The following FHIT variants were observed in gnomAD, a reference collection of about 807,000 sequenced individuals.
The protein encoded by FHIT is bis(5'-adenosyl)-triphosphatase.
A neutral mutation model predicts 17.9 loss-of-function variants in FHIT; 19 were observed. The ratio of observed to expected loss-of-function variants is 1.06; its 90% CI spans 0.74 to 1.56. FHIT has a LOEUF of 1.56. FHIT is among the 40% of genes most tolerant of loss of function. The pLI, the probability that FHIT is intolerant of heterozygous loss-of-function variation, is 0.00. For missense variants in FHIT, 248 were observed against 189.2 expected (o/e 1.31, Z -1.82); for synonymous variants, 81 against 69.7 (o/e 1.16, Z -0.81).
chr3:60,477,033 C>T (rs2033381148), intron 5 of FHIT, among the ~76,000 whole-genome samples: 1 of 151,956 alleles, frequency 6.6e-6, no homozygotes, highest in Non-Finnish European at 1.5e-5. Context: ...CGTTTACATG[C>T]ATATGCTGAA....
chr3:60,078,409 C>T (rs189697072), intron 5 of FHIT, among the ~76,000 whole-genome samples: 25 of 152,238 alleles, frequency 1.6e-4, no homozygotes, highest in Admixed American at 1.6e-3. Flanking sequence ...AGAAATGCCA[C>T]ATCAGACAAA....
chr3:60,276,826 A>G lies in FHIT; in HGVS notation c.103+260034T>C, dbSNP rs547301899. Reference sequence around the variant, plus strand: ...CAAGAGAGGGAGAAAGAGAGAGAGTAGAGGAAGTCCCAGCCTCTTTTAAAC... The same window carrying G: ...CAAGAGAGGGAGAAAGAGAGAGAGTGGAGGAAGTCCCAGCCTCTTTTAAAC... On this transcript the variant is annotated intron_variant, in intron 5 of 9. Transcript: ENST00000492590. 7.8e-4 allele frequency among the ~76,000 whole-genome samples: 118 copies of G among 152,238 alleles called. 1 individual carries two copies. The South Asian group carries it at 0.023, about 30-fold the overall frequency.
chr3:60,788,719 G>C (rs966313431), intron 4 of FHIT, among the ~76,000 whole-genome samples: 2 of 152,058 alleles, frequency 1.3e-5, no homozygotes, highest in Non-Finnish European at 2.9e-5. Context: ...TGTTCAGTGT[G>C]GTGACACTTC....
intron 5 of FHIT, among the ~76,000 whole-genome samples, chr3:60,051,333 T>C (rs1282039651): frequency 1.3e-5 from 2 of 151,164 alleles, no homozygotes; most frequent in Non-Finnish European, 3.0e-5. Context: ...ATGCTTTTTT[T>C]TTTTTTTTTT....
chr3:60,156,931 G>A (rs553477706), intron 5 of FHIT, among the ~76,000 whole-genome samples: 3 of 151,876 alleles, frequency 2.0e-5, no homozygotes, highest in Non-Finnish European at 4.4e-5. Flanking sequence ...TCTTCCATAT[G>A]TAGTTATATA....
At chr3:61,146,599 T>C (rs2037233499) in intron 2 of FHIT, among the ~76,000 whole-genome samples, 1 of 152,068 alleles carries the variant, frequency 6.6e-6, no homozygotes, top group African/African-American at 2.4e-5. Context: ...ATCTGCTTGG[T>C]CATACAATAT....
At chr3:60,857,670 C>A (rs1703445375) in intron 3 of FHIT, among the ~76,000 whole-genome samples, 1 of 152,194 alleles carries the variant, frequency 6.6e-6, no homozygotes, top group Admixed American at 6.5e-5. Context: ...GTGGCTCATG[C>A]CTGTAATCCC....
intron 8 of FHIT, among the ~76,000 whole-genome samples, chr3:59,889,551 G>GA (rs1443082848): frequency 6.6e-6 from 1 of 152,170 alleles, no homozygotes; most frequent in Non-Finnish European, 1.5e-5. Flanking sequence ...GCATTCTTGA[G>GA]AAAAACTTAC....
intron 2 of FHIT, among the ~76,000 whole-genome samples, chr3:61,135,222 G>C (rs964506737): frequency 6.6e-6 from 1 of 152,228 alleles, no homozygotes; most frequent in Non-Finnish European, 1.5e-5. Flanking sequence ...AAGTGGCTTG[G>C]GAAGTTTTCT....
At chr3:60,825,738 C>A (rs1451266710) in intron 3 of FHIT, among the ~76,000 whole-genome samples, 2 of 152,138 alleles carry the variant, frequency 1.3e-5, no homozygotes, top group African/African-American at 4.8e-5. Flanking sequence ...AAACCATACC[C>A]CCCACCTCCC....
chr3:60,677,506 A>G (rs1330381501), intron 4 of FHIT, among the ~76,000 whole-genome samples: 1 of 152,198 alleles, frequency 6.6e-6, no homozygotes, highest in Non-Finnish European at 1.5e-5. Context: ...CTGTGGCTGA[A>G]TAGTATTCTA....
intron 5 of FHIT, among the ~76,000 whole-genome samples, chr3:60,444,551 T>G (rs2031177444): frequency 6.6e-6 from 1 of 152,110 alleles, no homozygotes; most frequent in Non-Finnish European, 1.5e-5. Context: ...TGTAGGGATG[T>G]GGATGAAACT....
chr3:59,780,628 G>A lies in FHIT; in HGVS notation c.349-28307C>T, dbSNP rs1485716. ...CGCAGAGGTGATTAGGGTTAGATGA[G>A]GTCATGAAGGTGGAGCCCCAGGATG... On this transcript the variant is annotated intron_variant, in intron 8 of 9. Transcript: ENST00000492590. Among the ~76,000 whole-genome samples the A allele has an allele frequency of 1.5e-3, 228 of 152,238 alleles. 2 individuals carry two copies. Among genetic ancestry groups the A allele is most frequent in the Admixed American group, 0.013 (202 of 15,286 alleles).
At chr3:60,731,830 C>T (rs2042036447) in intron 4 of FHIT, among the ~76,000 whole-genome samples, 1 of 152,192 alleles carries the variant, frequency 6.6e-6, no homozygotes, top group South Asian at 2.1e-4. Flanking sequence ...TGACCATCAC[C>T]TGATGGTCGC....
intron 8 of FHIT, among the ~76,000 whole-genome samples, chr3:59,807,825 G>A (rs1157080807): frequency 6.6e-6 from 1 of 152,188 alleles, no homozygotes; most frequent in African/African-American, 2.4e-5. Flanking sequence ...AACAACGTGG[G>A]CCGTGGAAAA....
intron 3 of FHIT, among the ~76,000 whole-genome samples, chr3:61,014,190 G>A (rs750635188): frequency 3.3e-5 from 5 of 152,082 alleles, no homozygotes; most frequent in Admixed American, 1.3e-4. Flanking sequence ...ACAAATGGCC[G>A]GAAACACCAT....
intron 3 of FHIT, among the ~76,000 whole-genome samples, chr3:60,889,615 T>C (rs1359389761): frequency 6.6e-6 from 1 of 152,190 alleles, no homozygotes; most frequent in Non-Finnish European, 1.5e-5. Context: ...GGACTGTAGC[T>C]TAGAAGCTTT....
intron 2 of FHIT, among the ~76,000 whole-genome samples, chr3:61,190,207 A>G (rs1413420460): frequency 9.9e-5 from 15 of 152,226 alleles, no homozygotes; most frequent in South Asian, 8.3e-4. Context: ...CTAATATGCC[A>G]AATCTACAAT....
chr3:60,856,257 G>T lies in FHIT; in HGVS notation c.-110-34246C>A, dbSNP rs140469271. On this transcript the variant is annotated intron_variant, in intron 3 of 9. Transcript: ENST00000492590. ...CAAAATTGCAAAAGGCACAGATCTG[G>T]GGGGGAAAGGGGGTTGATTCACCAA... The T allele has an allele frequency of 2.0e-4, 31 of 152,054 alleles. 1 individual carries two copies. The highest frequency in any genetic ancestry group is 7.5e-4 in the African/African-American group (31 of 41,346). The allele number at this position is 152,054 out of a possible 1,614,324, so 9.4% of individuals were successfully genotyped here. A position where few individuals can be genotyped will look rare whatever the true frequency, so the allele number is the denominator to read the frequency against.
Sources: allele counts gnomAD v4.1 joint callset (sites outside exome capture counted in the v4.1 genomes callset), GRCh38; gene constraint gnomAD v4.1.1; transcripts MANE v1.5; gene names NCBI Gene and HGNC (gene_info 2026-07-23, HGNC 2026-07-21).